The following SAMD4A variants were observed in gnomAD, a reference collection of about 807,000 sequenced individuals.
SAMD4A encodes sterile alpha motif domain containing 4A, also known as protein Smaug homolog 1.
A neutral mutation model predicts 81.3 loss-of-function variants in SAMD4A; 33 were observed. That is an observed-to-expected ratio of 0.41 (90% CI 0.31 to 0.54). The LOEUF is 0.54. Ranked by LOEUF, SAMD4A falls within the 20% of genes least tolerant of loss-of-function variation. The pLI, the probability that SAMD4A is intolerant of heterozygous loss-of-function variation, is 0.37. For missense variants in SAMD4A, 854 were observed against 951.1 expected, an observed-to-expected ratio of 0.90 and a Z score of 1.34; for synonymous variants, 389 against 382.1, an observed-to-expected ratio of 1.02 and a Z score of -0.21.
At chr14:54,782,608 G>A (rs533113722) in intron 11 of SAMD4A, among the ~76,000 whole-genome samples, 18 of 152,246 alleles carry the variant, frequency 1.2e-4, no homozygotes, top group African/African-American at 3.4e-4. Context: ...GTATTGGCAC[G>A]GTTGTCTTCC....
At chr14:54,706,728 G>C (rs1044149882) in intron 3 of SAMD4A, among the ~76,000 whole-genome samples, 3 of 152,040 alleles carry the variant, frequency 2.0e-5, no homozygotes, top group Non-Finnish European at 4.4e-5. Context: ...GGGGCCCCTG[G>C]GTAGGAATAC....
chr14:54,728,808 C>A (rs747389818), intron 3 of SAMD4A, among the ~76,000 whole-genome samples: 5 of 152,296 alleles, frequency 3.3e-5, no homozygotes, highest in East Asian at 1.9e-4. Flanking sequence ...TTTAGGGTTT[C>A]ATACTCAGAG....
At chr14:54,678,692 GC>G (rs2036056405) in intron 2 of SAMD4A, among the ~76,000 whole-genome samples, 1 of 151,968 alleles carries the variant, frequency 6.6e-6, no homozygotes. Context: ...GGGACTACAG[GC>G]GCCCGCCATC....
intron 3 of SAMD4A, among the ~76,000 whole-genome samples, chr14:54,724,007 T>TGGATGGAAGGAAGGAAGAAGGAAGGAA: frequency 8.0e-6 from 1 of 124,252 alleles, no homozygotes; most frequent in East Asian, 2.5e-4. Flanking sequence ...GATGGATGGA[T>TGGATGGAAGGAAGGAAGAAGGAAGGAA]GGAAGGAAGG....
At chr14:54,757,328 G>A (rs1340112371) in intron 6 of SAMD4A, among the ~76,000 whole-genome samples, 1 of 151,024 alleles carries the variant, frequency 6.6e-6, no homozygotes, top group Non-Finnish European at 1.5e-5. Flanking sequence ...TTCCTGGGAA[G>A]TTATATTTTA....
At chr14:54,599,585 A>C (rs756600779) in intron 2 of SAMD4A, among the ~76,000 whole-genome samples, 5 of 152,212 alleles carry the variant, frequency 3.3e-5, no homozygotes, top group Non-Finnish European at 7.3e-5. Context: ...CAATTTTGGC[A>C]TGGCTGTTTG....
chr14:54,769,275 T>C (rs2038640201), intron 8 of SAMD4A, among the ~76,000 whole-genome samples: 1 of 152,176 alleles, frequency 6.6e-6, no homozygotes, highest in Admixed American at 6.5e-5. Flanking sequence ...TCTGGGCATG[T>C]GGAAGGGAGC....
intron 2 of SAMD4A, among the ~76,000 whole-genome samples, chr14:54,684,250 C>A (rs537862385): frequency 6.6e-6 from 1 of 152,324 alleles, no homozygotes; most frequent in Admixed American, 6.5e-5. Flanking sequence ...GTTAGTGACA[C>A]CTCTAACAGC....
At chr14:54,724,822 A>G (rs942619099) in intron 3 of SAMD4A, among the ~76,000 whole-genome samples, 2 of 152,186 alleles carry the variant, frequency 1.3e-5, no homozygotes, top group Admixed American at 6.5e-5. Flanking sequence ...TTACCCTGAC[A>G]CCCTAACTGG....
chr14:54,701,650 C>G (rs529230038), intron 2 of SAMD4A, among the ~76,000 whole-genome samples: 14 of 152,328 alleles, frequency 9.2e-5, no homozygotes, highest in African/African-American at 3.1e-4. Context: ...GGTGAAGCAG[C>G]CTCACCCCCA....
intron 3 of SAMD4A, among the ~76,000 whole-genome samples, chr14:54,710,250 A>G (rs1169682353): frequency 6.6e-6 from 1 of 152,136 alleles, no homozygotes; most frequent in Admixed American, 6.5e-5. Context: ...TTCTGATGAT[A>G]AAAATGATGT....
chr14:54,652,063 A>G (rs2035416177), intron 2 of SAMD4A, among the ~76,000 whole-genome samples: 1 of 152,232 alleles, frequency 6.6e-6, no homozygotes, highest in Non-Finnish European at 1.5e-5. Flanking sequence ...AGCACACCAG[A>G]ACTTTGCACT....
At chr14:54,637,384 AAAAG>A (rs1379899106) in intron 2 of SAMD4A, among the ~76,000 whole-genome samples, 3 of 146,892 alleles carry the variant, frequency 2.0e-5, no homozygotes, top group East Asian at 2.0e-4. Context: ...AAAAAAAAAA[AAAAG>A]AGGCAAGAAG....
intron 3 of SAMD4A, among the ~76,000 whole-genome samples, chr14:54,728,246 A>G (rs1049226437): frequency 3.3e-5 from 5 of 152,238 alleles, no homozygotes; most frequent in African/African-American, 4.8e-5. Flanking sequence ...CAAGTCAAAA[A>G]TTCAAATCGT....
At chr14:54,764,810 G>T (rs1019438702) in intron 8 of SAMD4A, among the ~76,000 whole-genome samples, 3 of 152,200 alleles carry the variant, frequency 2.0e-5, no homozygotes, top group Admixed American at 2.0e-4. Context: ...AAGCAGCCCC[G>T]GGTGGCCAAG....
chr14:54,768,293 GAGTGGCATCT>G (rs2038606658), intron 8 of SAMD4A, among the ~76,000 whole-genome samples: 1 of 152,222 alleles, frequency 6.6e-6, no homozygotes, highest in Non-Finnish European at 1.5e-5. Flanking sequence ...TGACACCTGT[GAGTGGCATCT>G]ATTTGAACCG....
chr14:54,681,173 C>G (rs1031615579), intron 2 of SAMD4A, among the ~76,000 whole-genome samples: 3 of 147,844 alleles, frequency 2.0e-5, no homozygotes, highest in East Asian at 4.0e-4. Flanking sequence ...AAAGACCCCC[C>G]CTCCAGCCCC....
rs558140100 is a variant in SAMD4A, at chr14:54,660,217, C to T, written c.197-41845C>T. 1.3e-3 allele frequency among the ~76,000 whole-genome samples: 196 copies of T among 152,250 alleles called. 1 individual carries two copies. The highest frequency in any genetic ancestry group is 4.5e-3 in the African/African-American group (185 of 41,534). ...GTGTTGTTCACAACTTGCCTTATTT[C>T]CTTTCATCCTCATAGGAACATGGGA... On this transcript the variant is annotated intron_variant, in intron 2 of 12. Coordinates refer to ENST00000554335, the MANE Select transcript of SAMD4A (RefSeq NM_015589.6).
intron 3 of SAMD4A, among the ~76,000 whole-genome samples, chr14:54,732,139 C>T (rs1315766616): frequency 2.0e-5 from 3 of 152,156 alleles, no homozygotes; most frequent in East Asian, 3.8e-4. Context: ...CAAGAGTACA[C>T]ATGAACGGTG....
Sources: allele counts gnomAD v4.1 joint callset (sites outside exome capture counted in the v4.1 genomes callset), GRCh38; gene constraint gnomAD v4.1.1; transcripts MANE v1.5; gene names NCBI Gene and HGNC (gene_info 2026-07-23, HGNC 2026-07-21).